Variants in CSMD1 observed in about 807,000 individuals in gnomAD.
The protein encoded by CSMD1 is CUB and sushi domain-containing protein 1.
Under a neutral mutation model 417.5 loss-of-function variants are expected in CSMD1, and 213 were observed. The observed-to-expected ratio is 0.51, with a 90% CI of 0.46 to 0.57. The LOEUF (loss-of-function observed/expected upper bound fraction) is 0.57. CSMD1 is among the 20% of genes least tolerant of loss of function. The probability of loss-of-function intolerance (pLI) is 0.00; values close to 1 mark genes in which losing one functional copy is unlikely to be tolerated. For missense variants in CSMD1, 6,923 were observed against 4,529.7 expected (o/e 1.53, Z -15.17); for synonymous variants, 2,862 against 1,736.8 (o/e 1.65, Z -16.11).
chr8:4,023,808 G>A lies in CSMD1; in HGVS notation c.610+8097C>T, dbSNP rs537131389. ...TTGTGTGTGTATTTTTAGTAGAGAC[G>A]GGGTTTCAGCATGTTAGCCAGGATG... On this transcript the variant is annotated intron_variant, in intron 4 of 69. Transcript: ENST00000635120. Among the ~76,000 whole-genome samples, 9 of 127,082 alleles carry A rather than the reference G, an allele frequency of 7.1e-5. No individual in the cohort carries two copies. The East Asian group carries it at 9.4e-4, about 13-fold the overall frequency. The allele number at this position is 127,082 out of a possible 152,430, so 83.4% of individuals were successfully genotyped here.
intron 3 of CSMD1, among the ~76,000 whole-genome samples, chr8:4,125,919 G>A (rs1260763814): frequency 2.0e-5 from 3 of 152,138 alleles, no homozygotes; most frequent in Non-Finnish European, 4.4e-5. Flanking sequence ...GGCTCCAAGA[G>A]TATGAACCTT....
In CSMD1 at chr8:3,439,309, A is replaced by ATTTTTTTT. The variant is rs1554552766; in HGVS notation, c.1561+29395_1561+29402dup. On this transcript the variant is annotated intron_variant, in intron 12 of 69. Transcript: ENST00000635120. ...TATATATATATATATATATATATAT[A>ATTTTTTTT]TTTTTTTTTTTAATATGTATTTTTA... is the stretch of plus-strand genomic sequence containing the variant. 4.2e-4 allele frequency among the ~76,000 whole-genome samples: 26 copies of ATTTTTTTT among 62,416 alleles called. 1 individual carries two copies. Among genetic ancestry groups the ATTTTTTTT allele is most frequent in the East Asian group, 3.4e-3 (6 of 1,742 alleles). 40.9% of individuals were successfully genotyped at this position (62,416 alleles called of 152,430 possible).
intron 1 of CSMD1, among the ~76,000 whole-genome samples, chr8:4,815,635 G>T (rs998006185): frequency 2.8e-5 from 4 of 143,278 alleles, no homozygotes; most frequent in Non-Finnish European, 6.0e-5. Flanking sequence ...GATGAAGGTT[G>T]CAGTGAACTG....
At position 3,106,536 on chromosome 8, in the gene CSMD1, G is replaced by T; in HGVS notation, c.6941C>A (p.Thr2314Lys). The change falls in exon 46 of 70, where the codon ACA becomes AAA. Residue 2314 changes from threonine (T) to lysine (K), a missense_variant. By Grantham distance (78) the Thr-to-Lys change is moderately conservative (BLOSUM62 -1). Coordinates refer to ENST00000635120, the MANE Select transcript of CSMD1 (RefSeq NM_033225.6). Reference sequence around the variant, plus strand: ...TATCGAACAGTGCATACCTTCACATGTTGGGAGAGAACCCTCAAACTGCAA... The same window carrying T: ...TATCGAACAGTGCATACCTTCACATTTTGGGAGAGAACCCTCAAACTGCAA... ...SQLQFEGSLP[T>K]CEAQCPANEV... 6.2e-7 allele frequency: 1 copy of T among 1,609,980 alleles called. No homozygotes were observed.
intron 3 of CSMD1, among the ~76,000 whole-genome samples, chr8:4,344,285 A>T (rs769442482): frequency 6.6e-6 from 1 of 152,126 alleles, no homozygotes. Context: ...TCATTCTGTC[A>T]TGTGTCTAGT....
intron 1 of CSMD1, among the ~76,000 whole-genome samples, chr8:4,785,316 G>C (rs760727109): frequency 2.0e-5 from 3 of 152,172 alleles, no homozygotes; most frequent in Non-Finnish European, 4.4e-5. Context: ...GGGGTGCAAA[G>C]CATTGGTGGA....
intron 5 of CSMD1, among the ~76,000 whole-genome samples, chr8:3,974,665 C>T (rs538925958): frequency 5.1e-5 from 7 of 137,030 alleles, no homozygotes; most frequent in African/African-American, 1.5e-4. Flanking sequence ...TTAAAAACAG[C>T]GTGCAGCTCT....
intron 1 of CSMD1, among the ~76,000 whole-genome samples, chr8:4,793,317 G>A (rs1274004972): frequency 6.6e-6 from 1 of 152,102 alleles, no homozygotes; most frequent in Non-Finnish European, 1.5e-5. Context: ...TGATAACACA[G>A]AAGAGGCATT....
intron 3 of CSMD1, among the ~76,000 whole-genome samples, chr8:4,218,714 A>G (rs1224015831): frequency 6.6e-6 from 1 of 152,174 alleles, no homozygotes; most frequent in Non-Finnish European, 1.5e-5. Context: ...CAACCATTAC[A>G]GTGATGGTGA....
At chr8:2,956,998 G>C (rs905558673) in intron 63 of CSMD1, among the ~76,000 whole-genome samples, 1 of 152,014 alleles carries the variant, frequency 6.6e-6, no homozygotes, top group African/African-American at 2.4e-5. Flanking sequence ...TATATACTGA[G>C]ATTTTTATAA....
At chr8:4,703,238 T>C (rs1461156765) in intron 1 of CSMD1, among the ~76,000 whole-genome samples, 44 of 152,224 alleles carry the variant, frequency 2.9e-4, no homozygotes, top group Admixed American at 2.8e-3. Context: ...CCAACGGTTC[T>C]CAACCATGGC....
At chr8:3,213,208 G>C (rs1049653423) in intron 30 of CSMD1, among the ~76,000 whole-genome samples, 4 of 152,116 alleles carry the variant, frequency 2.6e-5, no homozygotes, top group Admixed American at 1.3e-4. Context: ...AAACACATTT[G>C]TTTCATAATT....
chr8:3,963,163 C>A (rs984423976), intron 5 of CSMD1, among the ~76,000 whole-genome samples: 8 of 152,102 alleles, frequency 5.3e-5, no homozygotes, highest in Middle Eastern at 3.2e-3. Flanking sequence ...AACTCCTGAC[C>A]TCCAGTAACC....
chr8:4,070,718 A>G (rs748151112), intron 3 of CSMD1, among the ~76,000 whole-genome samples: 6 of 152,102 alleles, frequency 3.9e-5, no homozygotes, highest in Non-Finnish European at 5.9e-5. Flanking sequence ...GGTTGTTTCC[A>G]TGAAGCCCGA....
chr8:3,464,280 G>C (rs1585203560), intron 12 of CSMD1, among the ~76,000 whole-genome samples: 1 of 151,958 alleles, frequency 6.6e-6, no homozygotes, highest in African/African-American at 2.4e-5. Flanking sequence ...TAAAAACGTG[G>C]GACCACTACA....
At chr8:4,697,597 C>A (rs1807223160) in intron 1 of CSMD1, among the ~76,000 whole-genome samples, 1 of 152,064 alleles carries the variant, frequency 6.6e-6, no homozygotes, top group African/African-American at 2.4e-5. Flanking sequence ...GACTAGAGTT[C>A]AGTCAATAAG....
intron 18 of CSMD1, chr8:3,373,874 G>A (rs1019010376): frequency 4.6e-5 from 7 of 152,044 alleles, no homozygotes; most frequent in African/African-American, 1.2e-4. Flanking sequence ...ACTAAGATAT[G>A]CAGAAATCAT....
At chr8:4,184,039 C>A (rs897507392) in intron 3 of CSMD1, among the ~76,000 whole-genome samples, 1 of 152,176 alleles carries the variant, frequency 6.6e-6, no homozygotes, top group Non-Finnish European at 1.5e-5. Context: ...ATAATGATGG[C>A]AAATTCTGTT....
At position 4,167,469 on chromosome 8, in the gene CSMD1, G is replaced by C. The variant is rs370153573; in HGVS notation, c.416-135370C>G. 1.7e-4 allele frequency among the ~76,000 whole-genome samples: 26 copies of C among 152,278 alleles called. No individual in the cohort carries two copies. The South Asian group carries it at 4.6e-3, about 27-fold the overall frequency. ...ACTGGAATAGAATGACGGTGGCTGA[G>C]AGACTACATTAGAAAAATTAAACCT... On this transcript the variant is annotated intron_variant, in intron 3 of 69. Coordinates refer to ENST00000635120, the MANE Select transcript of CSMD1 (RefSeq NM_033225.6).
Sources: gnomAD v4.1 joint callset for allele counts (sites outside exome capture counted in the v4.1 genomes callset) on GRCh38, gnomAD v4.1.1 for gene constraint, MANE v1.5 for transcripts, NCBI Gene and HGNC (gene_info 2026-07-23, HGNC 2026-07-21) for gene names.